ERP44: variants seen among roughly 807,000 people sequenced by gnomAD.
ERP44 encodes endoplasmic reticulum resident protein 44.
In ERP44, 25 loss-of-function variants were observed where a neutral mutation model predicts 53.4. That is an observed-to-expected ratio of 0.47 (90% CI 0.34 to 0.65). The LOEUF is 0.65. ERP44 is among the 30% of genes least tolerant of loss of function. The probability of loss-of-function intolerance (pLI) is 0.01; values close to 1 mark genes in which losing one functional copy is unlikely to be tolerated. For missense variants in ERP44, 338 were observed against 493.2 expected (o/e 0.69, Z 2.98); for synonymous variants, 145 against 161.2 (o/e 0.90, Z 0.76).
chr9:100,006,578 G>A lies in ERP44; in HGVS notation c.944C>T (p.Pro315Leu). The A allele has an allele frequency of 6.2e-7, 1 of 1,610,656 alleles. No homozygotes were observed. The highest frequency in any genetic ancestry group is 8.5e-7 in the Non-Finnish European group (1 of 1,177,620). ...AATAGCGATTACAGGACAATCTGCT[G>A]GAGTTTTCTGTATGTGCAGAAGAGG... is the stretch of plus-strand genomic sequence containing the variant. ...RHPLLHIQKTPADCPVIAIDS... is the reference protein window; with the variant it reads ...RHPLLHIQKTLADCPVIAIDS... The change falls in exon 10 of 12, where the codon CCA (proline) becomes CTA (leucine). Residue 315 changes from proline (P) to leucine (L), a missense_variant. Transcript: ENST00000262455.
At chr9:100,063,016 G>A (rs1826169090) in intron 1 of ERP44, among the ~76,000 whole-genome samples, 1 of 136,790 alleles carries the variant, frequency 7.3e-6, no homozygotes, top group Admixed American at 8.3e-5. Context: ...CGAGTTTGCA[G>A]TGAGCTATGA....
intron 8 of ERP44, among the ~76,000 whole-genome samples, chr9:100,014,086 T>C (rs1382573053): frequency 6.6e-6 from 1 of 152,150 alleles, no homozygotes; most frequent in Non-Finnish European, 1.5e-5. Flanking sequence ...CTTCCTATAG[T>C]CCTATTGAAA....
intron 8 of ERP44, among the ~76,000 whole-genome samples, chr9:100,009,731 C>G (rs1268640637): frequency 2.0e-5 from 3 of 152,210 alleles, no homozygotes; most frequent in African/African-American, 7.2e-5. Flanking sequence ...AGGTTTCCAT[C>G]TGCCTGCTTA....
At chr9:100,057,918 A>G (rs1306333983) in intron 2 of ERP44, 59 bp from the exon 3 acceptor site, 4 of 1,263,314 alleles carry the variant, frequency 3.2e-6, no homozygotes, top group Non-Finnish European at 4.6e-6. Context: ...ATAATTAAAC[A>G]TACAGTTTCA....
intron 8 of ERP44, among the ~76,000 whole-genome samples, chr9:100,011,224 C>T (rs985330913): frequency 3.9e-5 from 6 of 152,146 alleles, no homozygotes; most frequent in Non-Finnish European, 8.8e-5. Flanking sequence ...TTCTAGGCTT[C>T]TGGTACTATA....
chr9:100,092,722 C>A lies in ERP44; in HGVS notation c.57+6062G>T, dbSNP rs149219689. ...CAAGAACCCATAATACAAACATGCA[C>A]ACAAGAAAACAAATTATCAATAAAT... On this transcript the variant is annotated intron_variant, in intron 1 of 11. Transcript: ENST00000262455. 4.4e-3 allele frequency among the ~76,000 whole-genome samples: 673 copies of A among 152,218 alleles called. 3 individuals carry two copies. Among genetic ancestry groups the A allele is most frequent in the African/African-American group, 0.016 (647 of 41,538 alleles).
intron 8 of ERP44, among the ~76,000 whole-genome samples, chr9:100,014,520 C>G (rs999144314): frequency 1.3e-5 from 2 of 152,174 alleles, no homozygotes; most frequent in African/African-American, 4.8e-5. Flanking sequence ...AACTCCCGAC[C>G]TCAGGTGACC....
chr9:100,073,289 A>G (rs906844066), intron 1 of ERP44, among the ~76,000 whole-genome samples: 4 of 152,184 alleles, frequency 2.6e-5, no homozygotes, highest in African/African-American at 9.7e-5. Context: ...AAACTAAACA[A>G]TTGGTCATTG....
At chr9:99,985,716 C>T (rs1459275035) in intron 10 of ERP44, among the ~76,000 whole-genome samples, 1 of 152,014 alleles carries the variant, frequency 6.6e-6, no homozygotes, top group African/African-American at 2.4e-5. Context: ...TGTTTTTTTT[C>T]CTAAACATAG....
At chr9:100,053,860 C>A (rs536758983) in intron 3 of ERP44, among the ~76,000 whole-genome samples, 12 of 152,262 alleles carry the variant, frequency 7.9e-5, no homozygotes, top group African/African-American at 2.6e-4. Flanking sequence ...GCTTCCAGAG[C>A]CCTTTTCCAC....
At chr9:99,989,968 AAAAAAGAGT>A (rs1830236177) in intron 10 of ERP44, among the ~76,000 whole-genome samples, 1 of 152,176 alleles carries the variant, frequency 6.6e-6, no homozygotes, top group Admixed American at 6.5e-5. Flanking sequence ...AAGGTTAGAG[AAAAAAGAGT>A]AAAAAGAGAC....
intron 10 of ERP44, among the ~76,000 whole-genome samples, chr9:100,001,189 C>T (rs1204527010): frequency 6.6e-6 from 1 of 151,958 alleles, no homozygotes; most frequent in Non-Finnish European, 1.5e-5. Flanking sequence ...AGCTTCATAC[C>T]ATTGTGGTCA....
chr9:100,067,773 T>A (rs1210312357), intron 1 of ERP44, among the ~76,000 whole-genome samples: 1 of 150,348 alleles, frequency 6.7e-6, no homozygotes, highest in Non-Finnish European at 1.5e-5. Flanking sequence ...CGCCATCCCA[T>A]CTGGGAAGTG....
At chr9:100,098,427 T>C (rs1336792426) in intron 1 of ERP44, among the ~76,000 whole-genome samples, 1 of 151,966 alleles carries the variant, frequency 6.6e-6, no homozygotes, top group Admixed American at 6.5e-5. Flanking sequence ...ATGGAGAGGG[T>C]GGGAAGGAAC....
chr9:100,097,432 T>C (rs1334200408), intron 1 of ERP44, among the ~76,000 whole-genome samples: 2 of 152,148 alleles, frequency 1.3e-5, no homozygotes, highest in Non-Finnish European at 2.9e-5. Context: ...TCCAGTCTTC[T>C]TAAGGAGAGA....
At chr9:100,044,879 T>C (rs1183593662) in intron 4 of ERP44, among the ~76,000 whole-genome samples, 1 of 152,192 alleles carries the variant, frequency 6.6e-6, no homozygotes, top group African/African-American at 2.4e-5. Flanking sequence ...TATAGACTAT[T>C]TAAACAGACT....
intron 1 of ERP44, among the ~76,000 whole-genome samples, chr9:100,060,482 G>A (rs367921246): frequency 2.6e-5 from 4 of 152,092 alleles, no homozygotes; most frequent in Non-Finnish European, 4.4e-5. Flanking sequence ...GAACTTTATA[G>A]CACCACAAGA....
intron 4 of ERP44, among the ~76,000 whole-genome samples, chr9:100,031,596 T>C (rs1425360584): frequency 1.3e-5 from 2 of 152,190 alleles, no homozygotes; most frequent in Non-Finnish European, 2.9e-5. Context: ...CTGAGCACCT[T>C]GGAGGTTACC....
At chr9:100,027,816 G>T (rs1830669225) in intron 4 of ERP44, among the ~76,000 whole-genome samples, 1 of 152,108 alleles carries the variant, frequency 6.6e-6, no homozygotes, top group Non-Finnish European at 1.5e-5. Flanking sequence ...ATTTCAACAG[G>T]AAAGTCTTAT....
Sources: gnomAD v4.1 joint callset for allele counts (sites outside exome capture counted in the v4.1 genomes callset) on GRCh38, gnomAD v4.1.1 for gene constraint, MANE v1.5 for transcripts, NCBI Gene and HGNC (gene_info 2026-07-23, HGNC 2026-07-21) for gene names.